Variants in TRPM1 observed in about 807,000 individuals in gnomAD.
The protein encoded by TRPM1 is TRPM1-203 APA Isoform, Intron 10.
Under a neutral mutation model 149.4 loss-of-function variants are expected in TRPM1, and 113 were observed. The ratio of observed to expected loss-of-function variants is 0.76; its 90% CI spans 0.65 to 0.88. TRPM1 has a LOEUF of 0.88. Ranked by LOEUF, TRPM1 falls within the 40% of genes least tolerant of loss-of-function variation. The pLI, the probability that TRPM1 is intolerant of heterozygous loss-of-function variation, is 0.00. For missense variants in TRPM1, 1,976 were observed against 2,038.7 expected, an observed-to-expected ratio of 0.97 and a Z score of 0.59; for synonymous variants, 741 against 759.5, an observed-to-expected ratio of 0.98 and a Z score of 0.40.
chr15:31,157,846 C>A (rs2036397093), intron 1 of TRPM1, among the ~76,000 whole-genome samples: 1 of 152,126 alleles, frequency 6.6e-6, no homozygotes, highest in South Asian at 2.1e-4. Flanking sequence ...GGCGAGATGA[C>A]CCTGGAAGAC....
chr15:31,148,981 G>GCA (rs2036257988), intron 1 of TRPM1, among the ~76,000 whole-genome samples: 2 of 152,234 alleles, frequency 1.3e-5, no homozygotes, highest in African/African-American at 4.8e-5. Flanking sequence ...CGGCAAGAGT[G>GCA]CAACCCACCC....
In TRPM1 at chr15:31,030,964, C is replaced by T; in HGVS notation, c.3127+19G>A. 1 of 1,613,962 alleles carries T rather than the reference C, an allele frequency of 6.2e-7. No homozygotes were observed. The highest frequency in any genetic ancestry group is 8.5e-7 in the Non-Finnish European group (1 of 1,179,818). On this transcript the variant is annotated intron_variant, in intron 23 of 27. Coordinates refer to ENST00000256552, the MANE Select transcript of TRPM1 (RefSeq NM_001252024.2). ...CTCAGAAGCAGGGAAGAGAATCTTA[C>T]TATGAATTCTACTCTTACGGTCTAT... is the stretch of plus-strand genomic sequence containing the variant.
At chr15:31,064,914 T>C (rs2034327154) in intron 7 of TRPM1, 2 of 431,676 alleles carry the variant, frequency 4.6e-6, no homozygotes, top group Non-Finnish European at 9.5e-6. Flanking sequence ...CCTTTGAGAT[T>C]TCCAACCCAA....
intron 1 of TRPM1, among the ~76,000 whole-genome samples, chr15:31,086,644 C>T (rs2035008680): frequency 6.6e-6 from 1 of 152,156 alleles, no homozygotes; most frequent in South Asian, 2.1e-4. Flanking sequence ...TCCTCCCTGT[C>T]TCCTCCCCTT....
chr15:31,160,435 T>C (rs887509240), intron 1 of TRPM1, among the ~76,000 whole-genome samples: 9 of 152,126 alleles, frequency 5.9e-5, no homozygotes, highest in Non-Finnish European at 1.2e-4. Flanking sequence ...CCTGCTTTCC[T>C]CTGCCAGACC....
chr15:31,071,977 A>AC lies in TRPM1; in HGVS notation c.84-1752_84-1751insG, dbSNP rs1234519653. ...AGACTCCGTCTCAAAAAAAAAAAAA[A>AC]AACATATATATATATATATATATAT... On this transcript the variant is annotated intron_variant, in intron 3 of 27. Coordinates refer to ENST00000256552, the MANE Select transcript of TRPM1 (RefSeq NM_001252024.2). 3.4e-4 allele frequency among the ~76,000 whole-genome samples: 22 copies of AC among 63,878 alleles called. 4 individuals carry two copies. In the East Asian group the frequency reaches 0.013, roughly 37 times the overall value. The allele number at this position is 63,878 out of a possible 152,430, so 41.9% of individuals were successfully genotyped here.
chr15:31,102,899 T>C (rs1290283089), upstream of TRPM1, among the ~76,000 whole-genome samples: 1 of 152,184 alleles, frequency 6.6e-6, no homozygotes, highest in Non-Finnish European at 1.5e-5. Context: ...CGAGTCTTCT[T>C]TCTTGAACTG....
chr15:31,071,971 A>AG (rs2034552631), intron 3 of TRPM1, among the ~76,000 whole-genome samples: 1 of 115,224 alleles, frequency 8.7e-6, no homozygotes, highest in Non-Finnish European at 1.7e-5. Context: ...CTCAAAAAAA[A>AG]AAAAAAAACA....
At chr15:31,097,837 A>T (rs1036095692) in intron 1 of TRPM1, among the ~76,000 whole-genome samples, 1 of 152,200 alleles carries the variant, frequency 6.6e-6, no homozygotes, top group African/African-American at 2.4e-5. Context: ...GAATGGAGAC[A>T]TGCTGTGAGT....
upstream of TRPM1, among the ~76,000 whole-genome samples, chr15:31,105,462 TGTGTGTGTGTGCGC>T (rs1438987835): frequency 2.0e-3 from 155 of 78,636 alleles, no homozygotes; most frequent in African/African-American, 5.4e-3. Context: ...TGTGTGTGTG[TGTGTGTGTGTGCGC>T]GCGCGCGCGC....
intron 2 of TRPM1, among the ~76,000 whole-genome samples, 168 bp downstream of exon 2, chr15:31,081,185 G>C (rs928648560): frequency 2.6e-5 from 4 of 152,004 alleles, no homozygotes; most frequent in Admixed American, 2.6e-4. Context: ...GCTGTGGCTC[G>C]GCACCAGGGC....
In TRPM1 at chr15:31,053,545, G is replaced by A. The variant is rs551863103; in HGVS notation, c.1264-2963C>T. On this transcript the variant is annotated intron_variant, in intron 11 of 27. Coordinates refer to ENST00000256552, the MANE Select transcript of TRPM1 (RefSeq NM_001252024.2). ...CCCAAAGTGCTGGGATTACAGGCAT[G>A]TAAGCCACTGTGCCCAGCCAAGATG... is the stretch of plus-strand genomic sequence containing the variant. Among the ~76,000 whole-genome samples, 295 of 152,156 alleles carry A rather than the reference G, an allele frequency of 1.9e-3. 1 individual carries two copies. The highest frequency in any genetic ancestry group is 3.4e-3 in the Middle Eastern group (1 of 294).
rs1376680953 is a variant in TRPM1, at chr15:31,070,208, G to A, written c.102C>T (p.Phe34=). 1 of 1,613,610 alleles carries A rather than the reference G, an allele frequency of 6.2e-7. No individual in the cohort carries two copies. Among genetic ancestry groups the A allele is most frequent in the African/African-American group, 1.3e-5 (1 of 74,902 alleles). The part of the protein sequence containing the change: ...KDSNRCCCGQ[F]TNQHIPPLPS... ...GCAGAGGGGGGATATGCTGGTTGGT[G>A]AACTGGCCACAGCAACACCTGAAAA... Residue 34 remains phenylalanine (F), a synonymous_variant, in exon 4 of 28, where the codon TTC becomes TTT. Coordinates refer to ENST00000256552, the MANE Select transcript of TRPM1 (RefSeq NM_001252024.2).
At chr15:31,014,915 T>C (rs908782218) in intron 27 of TRPM1, among the ~76,000 whole-genome samples, 1 of 151,982 alleles carries the variant, frequency 6.6e-6, no homozygotes, top group East Asian at 1.9e-4. Context: ...AGAGCAACGA[T>C]TGACTTCACC....
exon 1 of TRPM1, chr15:31,161,139 G>A (rs2036441884): frequency 1.6e-6 from 1 of 628,262 alleles, no homozygotes; most frequent in African/African-American, 1.8e-5. Flanking sequence ...AGGCCGGCCG[G>A]AGGCTGGTTC....
chr15:31,026,833 G>A, intron 26 of TRPM1, 82 bp downstream of exon 26: 1 of 1,435,894 alleles, frequency 7.0e-7, no homozygotes, highest in Non-Finnish European at 9.7e-7. Context: ...GCAAGTAGTT[G>A]AGTGAGATTT....
At chr15:31,087,231 A>ATTTTTTT (rs58872566) in intron 1 of TRPM1, among the ~76,000 whole-genome samples, 687 of 59,462 alleles carry the variant, frequency 0.012, 88 homozygotes, top group African/African-American at 0.039. Context: ...CTCAATAGGG[A>ATTTTTTT]TTTTTTTTTT....
intron 1 of TRPM1, among the ~76,000 whole-genome samples, chr15:31,155,613 C>T (rs1207526103): frequency 6.6e-6 from 1 of 151,876 alleles, no homozygotes; most frequent in Non-Finnish European, 1.5e-5. Context: ...AAGTGAAGAC[C>T]CACAATTCTG....
At chr15:31,034,354 G>A (rs539354625) in intron 21 of TRPM1, among the ~76,000 whole-genome samples, 1 of 152,140 alleles carries the variant, frequency 6.6e-6, no homozygotes, top group Non-Finnish European at 1.5e-5. Context: ...AACGCTCTAG[G>A]CCCCTCCCAT....
Sources: allele counts gnomAD v4.1 joint callset (sites outside exome capture counted in the v4.1 genomes callset), GRCh38; gene constraint gnomAD v4.1.1; transcripts MANE v1.5; gene names NCBI Gene and HGNC (gene_info 2026-07-23, HGNC 2026-07-21).